The following PROSER3 variants were observed in gnomAD, a reference collection of about 807,000 sequenced individuals.
PROSER3 encodes proline and serine-rich protein 3.
In PROSER3, 33 loss-of-function variants were observed where a neutral mutation model predicts 50.2. The observed-to-expected ratio is 0.66, with a 90% CI of 0.50 to 0.88. The LOEUF (loss-of-function observed/expected upper bound fraction) is 0.88, where lower values mean the gene tolerates loss of function less well. Ranked by LOEUF, PROSER3 falls within the 40% of genes least tolerant of loss-of-function variation. PROSER3 has a pLI of 0.00. For missense variants in PROSER3, 623 were observed against 612.7 expected, an observed-to-expected ratio of 1.02 and a Z score of -0.18; for synonymous variants, 266 against 259.3, an observed-to-expected ratio of 1.03 and a Z score of -0.25.
At chr19:35,770,026 T>G (rs1272588674), downstream of PROSER3, among the ~76,000 whole-genome samples, 3 of 152,186 alleles carry the variant, frequency 2.0e-5, no homozygotes, top group Non-Finnish European at 4.4e-5. Flanking sequence ...TGCCTCAGCC[T>G]CCCTAGTAGC....
chr19:35,766,705 G>C (rs1971151844), intron 7 of PROSER3, 63 bp from the exon 8 acceptor site: 1 of 1,243,108 alleles, frequency 8.0e-7, no homozygotes, highest in African/African-American at 1.5e-5. Context: ...TGTGCAGGCT[G>C]TCCTGGGGTT....
rs1246089690 is a variant in PROSER3 at position 35,759,778 on chromosome 19, C to T, written c.109-11C>T. 1.2e-5 allele frequency: 18 copies of T among 1,554,660 alleles called. No individual in the cohort carries two copies. The highest frequency in any genetic ancestry group is 1.4e-5 in the Non-Finnish European group (16 of 1,148,472). Reference sequence around the variant, plus strand: ...CACACTTTTTCTTCTTGTGCTCTTCCCTGATCTTAGACCCTGAGCCCATCC... The same window carrying T: ...CACACTTTTTCTTCTTGTGCTCTTCTCTGATCTTAGACCCTGAGCCCATCC... On this transcript the variant is annotated splice_polypyrimidine_tract_variant and intron_variant, in intron 2 of 10. Coordinates refer to ENST00000396908, the Ensembl canonical transcript of PROSER3.
chr19:35,759,379 C>T (rs762359854), exon 2 of PROSER3: 42 of 1,613,336 alleles, frequency 2.6e-5, no homozygotes, highest in African/African-American at 4.0e-5. Context: ...TGCAGCCTGC[C>T]AGTTTTCTCC....
chr19:35,768,798 G>A (rs1203240189), exon 11 of PROSER3: 4 of 356,864 alleles, frequency 1.1e-5, no homozygotes, highest in African/African-American at 4.3e-5. Context: ...GGCAAGACTG[G>A]GACCCACCTT....
chr19:35,759,767 T>C, intron 2 of PROSER3, 22 bp from the exon 3 acceptor site: 1 of 1,547,242 alleles, frequency 6.5e-7, no homozygotes, highest in Non-Finnish European at 8.8e-7. Context: ...CTTTTTCTTC[T>C]TGTGCTCTTC....
At chr19:35,766,479 G>C (rs982338940) in intron 7 of PROSER3, among the ~76,000 whole-genome samples, 1 of 152,114 alleles carries the variant, frequency 6.6e-6, no homozygotes, top group South Asian at 2.1e-4. Flanking sequence ...CCAGGAGGTC[G>C]AGACTGCAGT....
Position 35,762,234 on chromosome 19 carries a change from C to T in PROSER3, c.440-19C>T. Reference sequence around the variant, plus strand: ...CAGCCACTCCTCCTGGCCCTCATACCTCAACTGGGGCTTCTCAGCAGGAGC... The same window carrying T: ...CAGCCACTCCTCCTGGCCCTCATACTTCAACTGGGGCTTCTCAGCAGGAGC... On this transcript the variant is annotated intron_variant, in intron 4 of 10. Transcript: ENST00000396908. The T allele has an allele frequency of 6.2e-7, 1 of 1,606,312 alleles. No individual in the cohort carries two copies. Among genetic ancestry groups the T allele is most frequent in the Non-Finnish European group, 8.5e-7 (1 of 1,173,830 alleles).
At chr19:35,759,945 T>A in exon 3 of PROSER3, 1 of 1,606,890 alleles carries the variant, frequency 6.2e-7, no homozygotes, top group Non-Finnish European at 8.5e-7. Flanking sequence ...GATGTGGGCC[T>A]CCCCAGCACC....
chr19:35,762,559 A>C, intron 5 of PROSER3: 1 of 514,774 alleles, frequency 1.9e-6, no homozygotes, highest in South Asian at 2.6e-5. Context: ...AAAAAAAAAA[A>C]AAAAGAGAGA....
chr19:35,765,237 AC>A, intron 7 of PROSER3, 61 bp downstream of exon 7: 1 of 1,557,072 alleles, frequency 6.4e-7, no homozygotes, highest in Non-Finnish European at 8.7e-7. Context: ...TCTGCCACTG[AC>A]CAGCTATGGG....
chr19:35,758,410 G>T, intron 1 of PROSER3, 184 bp downstream of exon 1: 1 of 698,220 alleles, frequency 1.4e-6, no homozygotes, highest in South Asian at 2.3e-5. Flanking sequence ...CATCCCGGGG[G>T]TCCCCTAAGA....
intron 7 of PROSER3, 66 bp from the exon 8 acceptor site, chr19:35,766,702 G>C (rs546895597): frequency 2.5e-6 from 3 of 1,184,046 alleles, no homozygotes; most frequent in Admixed American, 2.2e-5. Flanking sequence ...GTGTGTGCAG[G>C]CTGTCCTGGG....
chr19:35,762,133 T>C, exon 4 of PROSER3: 1 of 1,599,674 alleles, frequency 6.3e-7, no homozygotes, highest in Non-Finnish European at 8.6e-7. Context: ...ACCCCAGCAG[T>C]CAAAGTGCAG....
chr19:35,758,469 G>A (rs1970843274), intron 1 of PROSER3: 2 of 429,312 alleles, frequency 4.7e-6, no homozygotes, highest in African/African-American at 2.0e-5. Flanking sequence ...TGCCTCTAAA[G>A]GTGTCCAAGA....
intron 1 of PROSER3, chr19:35,758,451 G>A: frequency 2.1e-6 from 1 of 479,152 alleles, no homozygotes; most frequent in African/African-American, 2.0e-5. Context: ...TGGGCCCCAA[G>A]GAATTATTGC....
intron 1 of PROSER3, chr19:35,758,449 A>G (rs1449025888): frequency 2.1e-6 from 1 of 480,724 alleles, no homozygotes; most frequent in Non-Finnish European, 3.6e-6. Context: ...AGTGGGCCCC[A>G]AGGAATTATT....
At chr19:35,762,778 A>G (rs1212510647) in intron 5 of PROSER3, 1 of 153,032 alleles carries the variant, frequency 6.5e-6, no homozygotes, top group African/African-American at 2.4e-5. Context: ...TCATGCCTAT[A>G]ATCCCAGCAC....
chr19:35,769,134 G>A (rs555046024), exon 11 of PROSER3: 8 of 152,212 alleles, frequency 5.3e-5, no homozygotes, highest in Admixed American at 2.6e-4. Context: ...TCTAAACCCC[G>A]TCTCTATTCT....
chr19:35,767,732 C>G, intron 8 of PROSER3: 1 of 1,535,040 alleles, frequency 6.5e-7, no homozygotes, highest in Non-Finnish European at 8.8e-7. Flanking sequence ...GGCTGGATCT[C>G]CGAAAGTCCA....
Sources: allele counts gnomAD v4.1 joint callset (sites outside exome capture counted in the v4.1 genomes callset), GRCh38; gene constraint gnomAD v4.1.1; transcripts MANE v1.5; gene names NCBI Gene and HGNC (gene_info 2026-07-23, HGNC 2026-07-21).